MAPKBP1: variants seen among roughly 807,000 people sequenced by gnomAD.
MAPKBP1 encodes the protein mitogen-activated protein kinase-binding protein 1.
A neutral mutation model predicts 170.5 loss-of-function variants in MAPKBP1; 71 were observed. The observed-to-expected ratio is 0.42, with a 90% CI of 0.34 to 0.51. The LOEUF is 0.51. Among genes scored for constraint, MAPKBP1 ranks in the 20% least tolerant of loss-of-function variants. The pLI is 0.06. For synonymous variants in MAPKBP1, 719 were observed against 757.9 expected, an observed-to-expected ratio of 0.95 and a Z score of 0.84; for missense variants, 1,598 against 1,933.0, an observed-to-expected ratio of 0.83 and a Z score of 3.25.
At chr15:41,786,777 A>AAAAAAAATATATATATATATATATATAT in intron 2 of MAPKBP1, among the ~76,000 whole-genome samples, 4 of 32,438 alleles carry the variant, frequency 1.2e-4, no homozygotes, top group African/African-American at 5.2e-4. Context: ...AAAAAAAAAA[A>AAAAAAAATATATATATATATATATATAT]ATATATATAT....
chr15:41,811,634 T>C (rs964894657), intron 5 of MAPKBP1: 2 of 618,636 alleles, frequency 3.2e-6, no homozygotes, highest in African/African-American at 3.6e-5. Context: ...CGGCGTAGTC[T>C]TACTAGGGGC....
In MAPKBP1 at chr15:41,818,573, C is replaced by G; in HGVS notation, c.2147C>G (p.Ser716Cys). 6.2e-7 allele frequency: 1 copy of G among 1,613,066 alleles called. No individual in the cohort carries two copies. The highest frequency in any genetic ancestry group is 1.7e-5 in the Admixed American group (1 of 59,782). ...SNDCKHLISV[S>C]GDSCIFVWRL... ...GATTGTAAACATCTCATCTCTGTGT[C>G]TGGGGACAGGTGAGCAGAAGCCAGC... is the stretch of plus-strand genomic sequence containing the variant. Residue 716 changes from serine to cysteine, a missense_variant, in exon 19 of 31, where the codon TCT (serine) becomes TGT (cysteine). Ser to Cys is a moderately radical substitution (Grantham distance 112). Transcript: ENST00000457542. The surrounding 1 kb of genome is among the most constrained non-coding windows in gnomAD (Gnocchi z 5.2).
chr15:41,823,334 G>T lies in MAPKBP1; in HGVS notation c.3598+112G>T. Reference sequence around the variant, plus strand: ...TGATGTGCCACTGTGCTGGCCACTAGGTGTCCCTTAATGGGCATGTGGAGG... The same window carrying T: ...TGATGTGCCACTGTGCTGGCCACTATGTGTCCCTTAATGGGCATGTGGAGG... On this transcript the variant is annotated intron_variant, in intron 28 of 30. Coordinates refer to ENST00000457542, the MANE Select transcript of MAPKBP1 (RefSeq NM_014994.3). 4 of 1,544,944 alleles carry T rather than the reference G, an allele frequency of 2.6e-6. No homozygotes were observed. The South Asian group carries it at 4.9e-5, about 19-fold the overall frequency.
chr15:41,801,015 G>A (rs1374273918), intron 3 of MAPKBP1, among the ~76,000 whole-genome samples: 3 of 152,230 alleles, frequency 2.0e-5, no homozygotes, highest in East Asian at 1.9e-4. Context: ...GATTACAGGC[G>A]TGAGCCACCA....
intron 3 of MAPKBP1, among the ~76,000 whole-genome samples, chr15:41,806,874 C>T (rs1360298345): frequency 6.6e-6 from 1 of 152,168 alleles, no homozygotes; most frequent in East Asian, 1.9e-4. Context: ...GCTGAGAGGG[C>T]TCCTTGGTGC....
At chr15:41,811,766 C>A in intron 5 of MAPKBP1, 191 bp from the exon 6 acceptor site, 1 of 720,946 alleles carries the variant, frequency 1.4e-6, no homozygotes, top group Non-Finnish European at 2.5e-6. Context: ...TCCGGGGCCA[C>A]TTTCTTCCTG....
rs1490946898 is a variant in MAPKBP1, at chr15:41,818,066, G to A, written c.1962G>A (p.Glu654=). Residue 654 remains glutamate, a synonymous_variant, in exon 17 of 31, where the codon GAG becomes GAA. Transcript: ENST00000457542. The surrounding 1 kb of genome is among the most constrained non-coding windows in gnomAD (Gnocchi z 5.2). ...AGCTGTTTAAAGGGTCACAGGGTGA[G>A]GACGGCACACTCATTAAGGTAAGGA... ...QKKLFKGSQG[E]DGTLIKVQTD... 2 of 1,614,120 alleles carry A rather than the reference G, an allele frequency of 1.2e-6. No homozygotes were observed. Among genetic ancestry groups the A allele is most frequent in the South Asian group, 2.2e-5 (2 of 91,078 alleles).
chr15:41,822,971 T>G lies in MAPKBP1; in HGVS notation c.3347T>G (p.Leu1116Arg), dbSNP rs1350118585. 6.2e-7 allele frequency: 1 copy of G among 1,613,520 alleles called. No homozygotes were observed. The highest frequency in any genetic ancestry group is 1.1e-5 in the South Asian group (1 of 91,004). ...TCCCCATCCTCCTCAAGCCTGGCAC[T>G]GATGTCGAGACCAGCCCAGGTGCCA... ...EPSPSSSSLA[L>R]MSRPAQVPQA... Residue 1116 changes from leucine (L) to arginine (R), a missense_variant, in exon 28 of 31, where the codon CTG (leucine) becomes CGG (arginine). Leu to Arg is a moderately radical substitution (Grantham distance 102). This residue lies in a region of MAPKBP1 where 942 missense variants were observed against 953.2 expected (regional missense o/e 0.99). Coordinates refer to ENST00000457542, the MANE Select transcript of MAPKBP1 (RefSeq NM_014994.3).
Position 41,823,854 on chromosome 15 carries a change from G to C in MAPKBP1, c.4006G>C (p.Glu1336Gln), listed in dbSNP as rs140684640. ...CCTAGGAAAAGCTCACAGTACAACT[G>C]AGAGATGGGCCTGTTTGGGGGAGGG... ...VGLGKAHSTTERWACLGEGTT... is the reference protein window; with the variant it reads ...VGLGKAHSTTQRWACLGEGTT... The change falls in exon 29 of 31, where the codon GAG becomes CAG. Residue 1336 changes from glutamate to glutamine, a missense_variant. By Grantham distance (29) the Glu-to-Gln change is conservative. Around this residue, in one of 6 missense-constraint regions of MAPKBP1, gnomAD observed 942 missense variants for 953.2 expected, o/e 0.99. Coordinates refer to ENST00000457542, the MANE Select transcript of MAPKBP1 (RefSeq NM_014994.3). The C allele has an allele frequency of 6.2e-7, 1 of 1,614,108 alleles. No homozygotes were observed. Among genetic ancestry groups the C allele is most frequent in the African/African-American group, 1.3e-5 (1 of 74,926 alleles).
chr15:41,812,716 A>G, intron 7 of MAPKBP1, 63 bp downstream of exon 7: 1 of 1,528,648 alleles, frequency 6.5e-7, no homozygotes, highest in East Asian at 2.3e-5. Flanking sequence ...AGCCCAACCC[A>G]GGAGACTCTG....
At chr15:41,786,344 A>G (rs1369327957) in intron 2 of MAPKBP1, among the ~76,000 whole-genome samples, 1 of 152,202 alleles carries the variant, frequency 6.6e-6, no homozygotes, top group African/African-American at 2.4e-5. Context: ...GTAAGTAGAA[A>G]AAAAATAAAG....
In MAPKBP1 at chr15:41,817,882, T is replaced by C; in HGVS notation, c.1905-127T>C. 1 of 1,527,334 alleles carries C rather than the reference T, an allele frequency of 6.5e-7. No individual in the cohort carries two copies. 94.6% of individuals were successfully genotyped at this position (1,527,334 alleles called of 1,614,324 possible). On this transcript the variant is annotated intron_variant, in intron 16 of 30. Transcript: ENST00000457542. The surrounding 1 kb of genome is among the most constrained non-coding windows in gnomAD (Gnocchi z 4.2). ...GTACTTTGCTTCACCCAAGAGGTGG[T>C]AGCCTGTTTGCTGCTGGGGGTAGCT...
intron 2 of MAPKBP1, among the ~76,000 whole-genome samples, chr15:41,798,595 C>T (rs2064537727): frequency 6.6e-6 from 1 of 152,052 alleles, no homozygotes; most frequent in South Asian, 2.1e-4. Flanking sequence ...TCTAGGAGTA[C>T]TTTTAATTCT....
At chr15:41,823,356 G>A in intron 28 of MAPKBP1, 91 bp from the exon 29 acceptor site, 1 of 1,548,038 alleles carries the variant, frequency 6.5e-7, no homozygotes, top group Non-Finnish European at 8.7e-7. Flanking sequence ...TGGGCATGTG[G>A]AGGGGAACAG....
Position 41,813,323 on chromosome 15 carries a change from C to T in MAPKBP1, c.819+222C>T, listed in dbSNP as rs374017446. On this transcript the variant is annotated intron_variant, in intron 8 of 30. Transcript: ENST00000457542. ...GTCTCTTTCCCCTGCTTTCCTCTTC[C>T]GCTCAGAACATAGACAGCTTCACAG... The T allele has an allele frequency of 5.2e-5, 79 of 1,528,492 alleles. 1 individual carries two copies. Among genetic ancestry groups the T allele is most frequent in the East Asian group, 9.0e-5 (4 of 44,466 alleles). 94.7% of individuals were successfully genotyped at this position (1,528,492 alleles called of 1,614,324 possible). A position where few individuals can be genotyped will look rare whatever the true frequency, so the allele number is the denominator to read the frequency against.
At chr15:41,812,835 G>GCGT (rs2064826640) in intron 7 of MAPKBP1, 84 bp from the exon 8 acceptor site, 2 of 1,490,288 alleles carry the variant, frequency 1.3e-6, no homozygotes, top group Non-Finnish European at 1.8e-6. Context: ...GGTGCTGGAG[G>GCGT]CGTCCCCTGT....
intron 2 of MAPKBP1, among the ~76,000 whole-genome samples, chr15:41,793,870 T>C (rs1205062977): frequency 6.6e-6 from 1 of 152,216 alleles, no homozygotes; most frequent in Non-Finnish European, 1.5e-5. Flanking sequence ...ATGGTGGTTC[T>C]GTGACATGTC....
At position 41,789,643 on chromosome 15, in the gene MAPKBP1, G is replaced by A. The variant is rs188560871; in HGVS notation, c.115-10180G>A. ...TGGCTATAGCATAGGCTGGACATGG[G>A]CAAGCTCTGACCACATGGGATACTC... On this transcript the variant is annotated intron_variant, in intron 2 of 30. Transcript: ENST00000457542. Among the ~76,000 whole-genome samples the A allele has an allele frequency of 7.2e-5, 11 of 152,306 alleles. No homozygotes were observed. In the East Asian group the frequency reaches 1.9e-3, roughly 27 times the overall value.
At chr15:41,779,477 G>A (rs773092044) in intron 2 of MAPKBP1, among the ~76,000 whole-genome samples, 30 of 152,156 alleles carry the variant, frequency 2.0e-4, no homozygotes, top group Non-Finnish European at 4.0e-4. Context: ...CCAAAGTGCT[G>A]GGATTACAGG....
Sources: allele counts gnomAD v4.1 joint callset (sites outside exome capture counted in the v4.1 genomes callset), GRCh38; gene constraint gnomAD v4.1.1; regional missense constraint gnomAD v4.1.1; non-coding constraint Gnocchi (gnomAD v3.1); transcripts MANE v1.5; gene names NCBI Gene and HGNC (gene_info 2026-07-23, HGNC 2026-07-21).